Variants in RNF19A observed in about 807,000 individuals in gnomAD.
RNF19A encodes the protein ring finger protein 19A, RBR E3 ubiquitin protein ligase, also known as E3 ubiquitin-protein ligase RNF19A.
In RNF19A, 32 loss-of-function variants were observed where a neutral mutation model predicts 75.7. The ratio of observed to expected loss-of-function variants is 0.42; its 90% CI spans 0.32 to 0.57. RNF19A has a LOEUF of 0.57. RNF19A is among the 20% of genes least tolerant of loss of function. The pLI, the probability that RNF19A is intolerant of heterozygous loss-of-function variation, is 0.10. For synonymous variants in RNF19A, 335 were observed against 345.2 expected, an observed-to-expected ratio of 0.97 and a Z score of 0.33; for missense variants, 782 against 1,036.3, an observed-to-expected ratio of 0.75 and a Z score of 3.37.
At chr8:100,312,147 G>T (rs1365173042), upstream of RNF19A, among the ~76,000 whole-genome samples, 1 of 152,108 alleles carries the variant, frequency 6.6e-6, no homozygotes, top group Admixed American at 6.5e-5. Flanking sequence ...ACCAAGTCCT[G>T]TTTATTATAC....
At chr8:100,307,939 C>A (rs1822126687) in intron 1 of RNF19A, among the ~76,000 whole-genome samples, 1 of 152,226 alleles carries the variant, frequency 6.6e-6, no homozygotes, top group South Asian at 2.1e-4. Context: ...CAAGAAATCA[C>A]CAAAATTTGT....
chr8:100,297,097 A>G (rs1016228546), intron 1 of RNF19A, among the ~76,000 whole-genome samples: 1 of 152,222 alleles, frequency 6.6e-6, no homozygotes. Context: ...TAAAATGGCA[A>G]TTACCACTGA....
intron 1 of RNF19A, among the ~76,000 whole-genome samples, chr8:100,321,791 C>T (rs1156526192): frequency 6.6e-6 from 1 of 152,176 alleles, no homozygotes. Context: ...CAATATTAAT[C>T]TCCTTATACA....
upstream of RNF19A, among the ~76,000 whole-genome samples, chr8:100,311,805 G>T (rs7831112): frequency 0.056 from 8,438 of 151,814 alleles, 775 homozygotes; most frequent in African/African-American, 0.19. Context: ...CTTGAAAGGG[G>T]ATTTTGAATA....
At position 100,257,609 on chromosome 8, in the gene RNF19A, T is replaced by C; in HGVS notation, c.*947A>G. 6.2e-6 allele frequency: 1 copy of C among 162,116 alleles called. No homozygotes were observed. Among genetic ancestry groups the C allele is most frequent in the African/African-American group, 2.4e-5 (1 of 42,044 alleles). 10.0% of individuals were successfully genotyped at this position (162,116 alleles called of 1,614,324 possible). A position where few individuals can be genotyped will look rare whatever the true frequency, so the allele number is the denominator to read the frequency against. On this transcript the variant is annotated 3_prime_UTR_variant, in exon 10 of 10. Coordinates refer to ENST00000341084, the MANE Select transcript of RNF19A (RefSeq NM_183419.4). ...CCTGAGTGTGTCTTTGGTAGGCTAA[T>C]ACTTTTTCAGCATTATTAATCACAT... is the stretch of plus-strand genomic sequence containing the variant.
At position 100,333,762 on chromosome 8, in the gene RNF19A, C is replaced by T. The variant is rs1351375831; in HGVS notation, c.-243+2346G>A. 6.6e-6 allele frequency among the ~76,000 whole-genome samples: 1 copy of T among 152,084 alleles called. No individual in the cohort carries two copies. The highest frequency in any genetic ancestry group is 1.5e-5 in the Non-Finnish European group (1 of 68,014). On this transcript the variant is annotated intron_variant, in intron 1 of 3. Coordinates refer to the RNF19A transcript ENST00000519527. This position sits in a 1 kb window ranked among gnomAD's most constrained non-coding sequence, Gnocchi z 4.7. The stretch of plus-strand genomic sequence containing the variant: ...GAGCCCAGGAGTTCAATGGTGTAGC[C>T]AGCTATGATTATGCCACTGCACTCC...
intron 1 of RNF19A, among the ~76,000 whole-genome samples, chr8:100,328,508 G>A (rs1822568997): frequency 6.6e-6 from 1 of 151,440 alleles, no homozygotes; most frequent in Non-Finnish European, 1.5e-5. Context: ...GTCTCGCTCT[G>A]TCACCTAGGC....
chr8:100,264,802 TA>T lies in RNF19A; in HGVS notation c.1192-18del, dbSNP rs1287782717. On this transcript the variant is annotated intron_variant, in intron 5 of 9. Coordinates refer to ENST00000341084, the MANE Select transcript of RNF19A (RefSeq NM_183419.4). This position sits in a 1 kb window ranked among gnomAD's most constrained non-coding sequence, Gnocchi z 4.7. The stretch of plus-strand genomic sequence containing the variant: ...ATTGTGAATCTTGAATTAATAAAAA[TA>T]GGGGTGGGGGATTAAAGAGAAAATA... The T allele has an allele frequency of 6.5e-7, 1 of 1,530,992 alleles. No individual in the cohort carries two copies. Among genetic ancestry groups the T allele is most frequent in the Non-Finnish European group, 9.1e-7 (1 of 1,104,880 alleles). 94.8% of individuals were successfully genotyped at this position (1,530,992 alleles called of 1,614,324 possible). A position where few individuals can be genotyped will look rare whatever the true frequency, so the allele number is the denominator to read the frequency against.
rs1483382590 is a variant in RNF19A, at chr8:100,275,700, T to C, written c.675-539A>G. 6.6e-6 allele frequency among the ~76,000 whole-genome samples: 1 copy of C among 152,196 alleles called. No individual in the cohort carries two copies. The highest frequency in any genetic ancestry group is 1.9e-4 in the East Asian group (1 of 5,202). On this transcript the variant is annotated intron_variant, in intron 2 of 9. Transcript: ENST00000341084. The surrounding 1 kb of genome is among the most constrained non-coding windows in gnomAD (Gnocchi z 4.3). Reference sequence around the variant, plus strand: ...AAAATCTTAATAATGGTTTTCTTGGTATTGGGTTTTAATTTTCTTGTTTAT... The same window carrying C: ...AAAATCTTAATAATGGTTTTCTTGGCATTGGGTTTTAATTTTCTTGTTTAT...
At chr8:100,297,634 T>C (rs1462929314) in intron 1 of RNF19A, among the ~76,000 whole-genome samples, 1 of 152,154 alleles carries the variant, frequency 6.6e-6, no homozygotes, top group Admixed American at 6.5e-5. Context: ...AATGGAGTAA[T>C]TCTAGTGAGG....
rs1174131441 is a variant in RNF19A, at chr8:100,323,436, T to C, written c.-242-10064A>G. Among the ~76,000 whole-genome samples the C allele has an allele frequency of 6.6e-6, 1 of 152,238 alleles. No individual in the cohort carries two copies. The highest frequency in any genetic ancestry group is 1.5e-5 in the Non-Finnish European group (1 of 68,044). On this transcript the variant is annotated intron_variant, in intron 1 of 3. Coordinates refer to the RNF19A transcript ENST00000519527. The surrounding 1 kb of genome is among the most constrained non-coding windows in gnomAD (Gnocchi z 4.6). ...CAACTAAGTAGAAAATAACTCCTGC[T>C]GGACAGCCTGTTTTTGCAGGATGAC...
chr8:100,293,299 T>C (rs1316204297), intron 1 of RNF19A, among the ~76,000 whole-genome samples: 1 of 152,248 alleles, frequency 6.6e-6, no homozygotes, highest in African/African-American at 2.4e-5. Flanking sequence ...CTCCTAGCAA[T>C]GAATTCTTTC....
In RNF19A at chr8:100,317,301, C is replaced by T. The variant is rs933848970; in HGVS notation, c.-242-3929G>A. On this transcript the variant is annotated intron_variant, in intron 1 of 3. Transcript: ENST00000519527. The surrounding 1 kb of genome is among the most constrained non-coding windows in gnomAD (Gnocchi z 4.3). Reference sequence around the variant, plus strand: ...GTGGGAGCCCAGGCAGAGGAGGTGCCGAGAGCAAGCGAGGGCTCTGAGGAC... The same window carrying T: ...GTGGGAGCCCAGGCAGAGGAGGTGCTGAGAGCAAGCGAGGGCTCTGAGGAC... 6.6e-6 allele frequency among the ~76,000 whole-genome samples: 1 copy of T among 152,188 alleles called. No homozygotes were observed. Among genetic ancestry groups the T allele is most frequent in the African/African-American group, 2.4e-5 (1 of 41,450 alleles).
chr8:100,274,564 T>C (rs1019687478), intron 3 of RNF19A, among the ~76,000 whole-genome samples: 1 of 152,210 alleles, frequency 6.6e-6, no homozygotes, highest in Non-Finnish European at 1.5e-5. Context: ...AAATTATTTT[T>C]AGTAGAGATG....
intron 1 of RNF19A, among the ~76,000 whole-genome samples, chr8:100,295,175 TC>T (rs1357821921): frequency 6.6e-6 from 1 of 152,148 alleles, no homozygotes; most frequent in Non-Finnish European, 1.5e-5. Context: ...AATAAGTAAC[TC>T]CCTCTTTTCT....
chr8:100,276,247 C>T (rs1225070808), intron 2 of RNF19A, among the ~76,000 whole-genome samples: 1 of 152,192 alleles, frequency 6.6e-6, no homozygotes, highest in Non-Finnish European at 1.5e-5. Flanking sequence ...TGCATACACA[C>T]TACCATCAAT....
At chr8:100,292,521 AAAGTTTTT>A (rs1219422418) in intron 1 of RNF19A, among the ~76,000 whole-genome samples, 1 of 151,998 alleles carries the variant, frequency 6.6e-6, no homozygotes, top group East Asian at 1.9e-4. Flanking sequence ...AGAAATTTCA[AAAGTTTTT>A]AACGTGCTCA....
intron 3 of RNF19A, among the ~76,000 whole-genome samples, chr8:100,271,437 T>C (rs1414311213): frequency 6.6e-6 from 1 of 152,236 alleles, no homozygotes; most frequent in Non-Finnish European, 1.5e-5. Flanking sequence ...ATGCTAATCC[T>C]ATCTGCGTAA....
upstream of RNF19A, among the ~76,000 whole-genome samples, chr8:100,314,643 T>C (rs890383440): frequency 1.3e-5 from 2 of 152,162 alleles, no homozygotes; most frequent in African/African-American, 4.8e-5. The surrounding 1 kb of genome is among the most constrained non-coding windows in gnomAD (Gnocchi z 4.1). Context: ...TTGTAGGTAC[T>C]ACCTAGCTTT....
Sources: gnomAD v4.1 joint callset for allele counts (sites outside exome capture counted in the v4.1 genomes callset) on GRCh38, gnomAD v4.1.1 for gene constraint, Gnocchi (gnomAD v3.1) non-coding constraint, MANE v1.5 for transcripts, NCBI Gene and HGNC (gene_info 2026-07-23, HGNC 2026-07-21) for gene names.